PEBP4: variants seen among roughly 807,000 people sequenced by gnomAD.
PEBP4 encodes phosphatidylethanolamine binding protein 4.
PEBP4 carries 22 observed loss-of-function variants against 23.9 expected under a neutral mutation model. The observed-to-expected ratio is 0.92, with a 90% CI of 0.66 to 1.31. The LOEUF (loss-of-function observed/expected upper bound fraction) is 1.31, where lower values mean the gene tolerates loss of function less well. Ranked by LOEUF, PEBP4 falls within the 40% of genes most tolerant of loss-of-function variation. The pLI is 0.00. For missense variants in PEBP4, 324 were observed against 281.7 expected, an observed-to-expected ratio of 1.15 and a Z score of -1.07; for synonymous variants, 112 against 99.3, an observed-to-expected ratio of 1.13 and a Z score of -0.76.
At chr8:22,761,031 GC>G (rs1805496831) in intron 4 of PEBP4, among the ~76,000 whole-genome samples, 1 of 152,184 alleles carries the variant, frequency 6.6e-6, no homozygotes, top group African/African-American at 2.4e-5. Flanking sequence ...GAGCTCTAGG[GC>G]CAGCGGGGAG....
intron 1 of PEBP4, among the ~76,000 whole-genome samples, chr8:22,940,927 T>C (rs1475176538): frequency 6.6e-6 from 1 of 152,086 alleles, no homozygotes; most frequent in Non-Finnish European, 1.5e-5. Flanking sequence ...TGGGAGCTGT[T>C]GGGTGCTGGC....
chr8:22,724,355 G>T (rs151164207), intron 6 of PEBP4, among the ~76,000 whole-genome samples: 1 of 152,168 alleles, frequency 6.6e-6, no homozygotes, highest in Non-Finnish European at 1.5e-5. Flanking sequence ...GCTAGTGGAG[G>T]GGGGATGGTG....
At chr8:22,740,238 G>A (rs774961524) in intron 4 of PEBP4, among the ~76,000 whole-genome samples, 4 of 152,210 alleles carry the variant, frequency 2.6e-5, no homozygotes, top group South Asian at 2.1e-4. Context: ...AGATGCTGGC[G>A]AGATTTGGAA....
intron 2 of PEBP4, among the ~76,000 whole-genome samples, chr8:22,920,986 C>T (rs1809188008): frequency 6.6e-6 from 1 of 152,130 alleles, no homozygotes; most frequent in Admixed American, 6.5e-5. Context: ...GAAGAAGGGC[C>T]CGAACAGCAC....
At chr8:22,935,248 T>C (rs1305182684) in intron 1 of PEBP4, among the ~76,000 whole-genome samples, 1 of 152,186 alleles carries the variant, frequency 6.6e-6, no homozygotes, top group Non-Finnish European at 1.5e-5. Context: ...TGGCTGGGCA[T>C]GGTGGCTCAC....
Position 22,910,236 on chromosome 8 carries a change from C to A in PEBP4, c.258+9948G>T, listed in dbSNP as rs371027153. 4.6e-5 allele frequency among the ~76,000 whole-genome samples: 7 copies of A among 152,246 alleles called. No homozygotes were observed. In the South Asian group the frequency reaches 6.2e-4, roughly 14 times the overall value. On this transcript the variant is annotated intron_variant, in intron 3 of 6. Transcript: ENST00000256404. ...GAAGAGTGTGAAATGACAGCACTGA[C>A]GTGCTACAAATAAAAAGGATTGTCA...
rs1488474508 is a variant in PEBP4 at position 22,775,696 on chromosome 8, G to C, written c.357+41941C>G. Among the ~76,000 whole-genome samples, 1 of 152,160 alleles carries C rather than the reference G, an allele frequency of 6.6e-6. No homozygotes were observed. Among genetic ancestry groups the C allele is most frequent in the African/African-American group, 2.4e-5 (1 of 41,438 alleles). On this transcript the variant is annotated intron_variant, in intron 4 of 6. Transcript: ENST00000256404. The surrounding 1 kb of genome is among the most constrained non-coding windows in gnomAD (Gnocchi z 4.8). ...TACCAGCAAACCAGAAATTAGCTCC[G>C]TTCATCACAGGCACACGGGGCTTCC...
At chr8:22,798,776 C>A (rs1806322610) in intron 4 of PEBP4, among the ~76,000 whole-genome samples, 2 of 110,314 alleles carry the variant, frequency 1.8e-5, no homozygotes, top group African/African-American at 3.4e-5. Flanking sequence ...TTAACTCTGT[C>A]ACCCAGGCTG....
chr8:22,836,585 G>A (rs1394190715), intron 3 of PEBP4, among the ~76,000 whole-genome samples: 1 of 152,224 alleles, frequency 6.6e-6, no homozygotes, highest in African/African-American at 2.4e-5. Flanking sequence ...CAAGATGGCT[G>A]GGGAAGGAAC....
At chr8:22,873,561 G>A (rs998201724) in intron 3 of PEBP4, among the ~76,000 whole-genome samples, 2 of 152,158 alleles carry the variant, frequency 1.3e-5, no homozygotes, top group Non-Finnish European at 1.5e-5. Context: ...AAGGCCAGGT[G>A]TTCAAGGCTG....
At position 22,724,975 on chromosome 8, in the gene PEBP4, G is replaced by T; in HGVS notation, c.404-19C>A. On this transcript the variant is annotated intron_variant, in intron 5 of 6. Transcript: ENST00000256404. Reference sequence around the variant, plus strand: ...TGGTAGGCTATAGGTAGAAGCAGGAGAGAGGTGAGCATCAACATCCCATAC... The same window carrying T: ...TGGTAGGCTATAGGTAGAAGCAGGATAGAGGTGAGCATCAACATCCCATAC... 1 of 1,582,642 alleles carries T rather than the reference G, an allele frequency of 6.3e-7. No homozygotes were observed. Among genetic ancestry groups the T allele is most frequent in the South Asian group, 1.1e-5 (1 of 90,428 alleles).
intron 4 of PEBP4, among the ~76,000 whole-genome samples, chr8:22,803,245 C>A (rs1478732334): frequency 1.3e-5 from 2 of 152,294 alleles, no homozygotes; most frequent in South Asian, 4.1e-4. Context: ...CCAGACACAA[C>A]ACACTCGGCC....
At chr8:22,862,355 A>G (rs1807794462) in intron 3 of PEBP4, among the ~76,000 whole-genome samples, 1 of 152,178 alleles carries the variant, frequency 6.6e-6, no homozygotes, top group Non-Finnish European at 1.5e-5. Flanking sequence ...TAAAAAATGG[A>G]ACTGTTCTCC....
chr8:22,728,810 C>T (rs1290510299), intron 4 of PEBP4, among the ~76,000 whole-genome samples: 1 of 152,132 alleles, frequency 6.6e-6, no homozygotes, highest in Non-Finnish European at 1.5e-5. Flanking sequence ...GTTGGTCAGA[C>T]TGGTTTCGAA....
chr8:22,863,574 C>T (rs1372639616), intron 3 of PEBP4, among the ~76,000 whole-genome samples: 1 of 152,180 alleles, frequency 6.6e-6, no homozygotes, highest in Non-Finnish European at 1.5e-5. Context: ...CTGCATCCTT[C>T]TATCTCTATA....
intron 4 of PEBP4, among the ~76,000 whole-genome samples, chr8:22,816,994 C>T (rs1178455439): frequency 6.6e-6 from 1 of 152,196 alleles, no homozygotes; most frequent in Non-Finnish European, 1.5e-5. Flanking sequence ...ACTTGTTTGG[C>T]AACACAGCCT....
chr8:22,794,202 T>C (rs558324535), intron 4 of PEBP4, among the ~76,000 whole-genome samples: 3 of 152,364 alleles, frequency 2.0e-5, no homozygotes, highest in African/African-American at 7.2e-5. Context: ...CGAACATTTA[T>C]TGAGTGCCTA....
chr8:22,839,808 C>T (rs903610015), intron 3 of PEBP4, among the ~76,000 whole-genome samples: 7 of 152,244 alleles, frequency 4.6e-5, no homozygotes, highest in Admixed American at 2.0e-4. Flanking sequence ...CGTGAGGGGC[C>T]CATCTCATCC....
intron 5 of PEBP4, among the ~76,000 whole-genome samples, chr8:22,725,965 C>G (rs1434296200): frequency 6.6e-6 from 1 of 151,682 alleles, no homozygotes; most frequent in African/African-American, 2.4e-5. Flanking sequence ...GACGATTCAT[C>G]TTTCCCTGCA....
Sources: gnomAD v4.1 joint callset for allele counts (sites outside exome capture counted in the v4.1 genomes callset) on GRCh38, gnomAD v4.1.1 for gene constraint, Gnocchi (gnomAD v3.1) non-coding constraint, MANE v1.5 for transcripts, NCBI Gene and HGNC (gene_info 2026-07-23, HGNC 2026-07-21) for gene names.